Variants in EEA1 observed in about 807,000 individuals in gnomAD.
EEA1 encodes early endosome antigen 1, 162kD.
EEA1 carries 111 observed loss-of-function variants against 209.2 expected under a neutral mutation model. The ratio of observed to expected loss-of-function variants is 0.53; its 90% CI spans 0.45 to 0.62. The LOEUF is 0.62. EEA1 is among the 20% of genes least tolerant of loss of function. EEA1 has a pLI of 0.00. For missense variants in EEA1, 1,343 were observed against 1,530.8 expected, an observed-to-expected ratio of 0.88 and a Z score of 2.05; for synonymous variants, 536 against 540.6, an observed-to-expected ratio of 0.99 and a Z score of 0.12.
At chr12:92,904,701 A>G (rs987633251) in intron 1 of EEA1, among the ~76,000 whole-genome samples, 1 of 152,186 alleles carries the variant, frequency 6.6e-6, no homozygotes, top group Non-Finnish European at 1.5e-5. Flanking sequence ...TCAGGGAAAC[A>G]TTTTACTTAT....
At chr12:92,782,936 G>A (rs1314755930) in intron 22 of EEA1, among the ~76,000 whole-genome samples, 1 of 152,222 alleles carries the variant, frequency 6.6e-6, no homozygotes, top group Non-Finnish European at 1.5e-5. Flanking sequence ...TGAACATACG[G>A]AGCCTGGAGG....
intron 2 of EEA1, among the ~76,000 whole-genome samples, chr12:92,869,709 C>T (rs1878549066): frequency 8.2e-6 from 1 of 121,956 alleles, no homozygotes; most frequent in South Asian, 2.8e-4. Flanking sequence ...GCCAAAATTG[C>T]ACCACTGCAC....
chr12:92,809,555 C>T (rs1214249855), intron 17 of EEA1, among the ~76,000 whole-genome samples: 1 of 140,914 alleles, frequency 7.1e-6, no homozygotes, highest in Non-Finnish European at 1.6e-5. Context: ...ATTAGCCAGG[C>T]GTGGTGGCCG....
At chr12:92,880,454 G>A (rs539398334) in intron 2 of EEA1, among the ~76,000 whole-genome samples, 20 of 151,978 alleles carry the variant, frequency 1.3e-4, no homozygotes, top group East Asian at 3.9e-4. Context: ...ACACGCACAC[G>A]CCACAGTGCC....
intron 11 of EEA1, 55 bp from the exon 12 acceptor site, chr12:92,828,116 C>A: frequency 1.6e-6 from 2 of 1,283,430 alleles, no homozygotes; most frequent in Non-Finnish European, 2.0e-6. Flanking sequence ...ACACACAGCA[C>A]CACCTACTTT....
intron 18 of EEA1, among the ~76,000 whole-genome samples, chr12:92,805,176 T>C (rs1488995717): frequency 1.3e-5 from 2 of 152,118 alleles, no homozygotes; most frequent in Non-Finnish European, 2.9e-5. Flanking sequence ...CTAGAGATAA[T>C]GATGAACCAT....
intron 2 of EEA1, among the ~76,000 whole-genome samples, chr12:92,873,695 A>G (rs983033367): frequency 2.0e-5 from 3 of 152,200 alleles, no homozygotes; most frequent in Admixed American, 6.5e-5. Context: ...TCCTGGATTC[A>G]TATCACTCTT....
At chr12:92,826,711 T>A (rs1440218728) in intron 12 of EEA1, among the ~76,000 whole-genome samples, 1 of 126,048 alleles carries the variant, frequency 7.9e-6, no homozygotes, top group African/African-American at 2.9e-5. Context: ...AGAGACTCCG[T>A]CTCAAAAAAA....
At chr12:92,907,315 C>T (rs1307320960) in intron 1 of EEA1, among the ~76,000 whole-genome samples, 1 of 152,178 alleles carries the variant, frequency 6.6e-6, no homozygotes, top group East Asian at 1.9e-4. Flanking sequence ...TAATTGAATG[C>T]CTTGAGAGCA....
rs76739326 is a variant in EEA1 at position 92,912,638 on chromosome 12, G to A, written c.24+16405C>T. Reference sequence around the variant, plus strand: ...GCATATTGTATAGTGGTGAAGTCTCGGCTTTTAGTGTACCCACCACCCTAA... The same window carrying A: ...GCATATTGTATAGTGGTGAAGTCTCAGCTTTTAGTGTACCCACCACCCTAA... On this transcript the variant is annotated intron_variant, in intron 1 of 28. Transcript: ENST00000322349. Among the ~76,000 whole-genome samples the A allele has an allele frequency of 3.3e-5, 5 of 152,134 alleles. No individual in the cohort carries two copies. In the East Asian group the frequency reaches 5.8e-4, roughly 18 times the overall value.
Position 92,787,984 on chromosome 12 carries a change from T to C in EEA1, c.3033A>G (p.Lys1011=), listed in dbSNP as rs1874213291. Residue 1011 remains lysine (K), a synonymous_variant, in exon 22 of 29, where the codon AAA becomes AAG. Coordinates refer to ENST00000322349, the MANE Select transcript of EEA1 (RefSeq NM_003566.4). ...TQAAQELAAE[K]EKISVLQNNY... is the part of the protein sequence containing the mutation. The stretch of plus-strand genomic sequence containing the variant: ...TGTTTTGTAATACTGATATTTTCTC[T>C]TTCTCTGCTGCAAGTTCCTGGGCTG... 3.1e-6 allele frequency: 5 copies of C among 1,613,196 alleles called. No individual in the cohort carries two copies. Among genetic ancestry groups the C allele is most frequent in the Non-Finnish European group, 4.2e-6 (5 of 1,179,572 alleles).
At chr12:92,801,058 C>A (rs1874886333) in intron 20 of EEA1, among the ~76,000 whole-genome samples, 1 of 152,112 alleles carries the variant, frequency 6.6e-6, no homozygotes, top group Non-Finnish European at 1.5e-5. Context: ...ATATATTATA[C>A]CCATGTGTTT....
At chr12:92,888,954 A>T (rs1190215934) in intron 2 of EEA1, among the ~76,000 whole-genome samples, 1 of 152,108 alleles carries the variant, frequency 6.6e-6, no homozygotes, top group East Asian at 1.9e-4. Context: ...GTTCGAGACT[A>T]GCCTGGTCAA....
chr12:92,805,539 G>A (rs1420419051), intron 18 of EEA1, among the ~76,000 whole-genome samples: 1 of 152,166 alleles, frequency 6.6e-6, no homozygotes, highest in African/African-American at 2.4e-5. Context: ...GTCAGAGCAG[G>A]TGATTTGATG....
At chr12:92,928,674 C>G (rs895105497) in intron 1 of EEA1, among the ~76,000 whole-genome samples, 1 of 152,124 alleles carries the variant, frequency 6.6e-6, no homozygotes, top group Admixed American at 6.5e-5. Flanking sequence ...TTCTCCAGCC[C>G]GGCAGGCGGC....
At chr12:92,892,539 G>A (rs1879693077) in intron 1 of EEA1, among the ~76,000 whole-genome samples, 1 of 135,474 alleles carries the variant, frequency 7.4e-6, no homozygotes, top group Non-Finnish European at 1.6e-5. Flanking sequence ...TGATTCCTTT[G>A]ACAATGCTTT....
intron 2 of EEA1, among the ~76,000 whole-genome samples, chr12:92,880,228 T>C (rs1879076789): frequency 6.6e-6 from 1 of 152,142 alleles, no homozygotes; most frequent in Admixed American, 6.5e-5. Flanking sequence ...TAGGAGGCAA[T>C]GAAAACACTG....
chr12:92,840,473 C>G (rs1302411668), intron 10 of EEA1, among the ~76,000 whole-genome samples: 1 of 152,074 alleles, frequency 6.6e-6, no homozygotes, highest in Non-Finnish European at 1.5e-5. Flanking sequence ...CCACCACACC[C>G]AGCTAATTTT....
At chr12:92,839,232 A>G (rs1877056095) in intron 10 of EEA1, among the ~76,000 whole-genome samples, 1 of 152,220 alleles carries the variant, frequency 6.6e-6, no homozygotes, top group South Asian at 2.1e-4. Context: ...TATTTTCCAC[A>G]TGACTAATGC....
Sources: gnomAD v4.1 joint callset for allele counts (sites outside exome capture counted in the v4.1 genomes callset) on GRCh38, gnomAD v4.1.1 for gene constraint, MANE v1.5 for transcripts, NCBI Gene and HGNC (gene_info 2026-07-23, HGNC 2026-07-21) for gene names.